The following NCOR2 variants were observed in gnomAD, a reference collection of about 807,000 sequenced individuals.
NCOR2 encodes the protein CTG repeat protein 26.
A neutral mutation model predicts 262.9 loss-of-function variants in NCOR2; 81 were observed. That is an observed-to-expected ratio of 0.31 (90% CI 0.26 to 0.37). NCOR2 has a LOEUF of 0.37. Ranked by LOEUF, NCOR2 falls within the 10% of genes least tolerant of loss-of-function variation. The probability of loss-of-function intolerance (pLI) is 1.00; values close to 1 mark genes in which losing one functional copy is unlikely to be tolerated. For synonymous variants in NCOR2, 1,659 were observed against 1,559.3 expected (o/e 1.06, Z -1.51); for missense variants, 3,385 against 3,621.4 (o/e 0.93, Z 1.68).
At chr12:124,409,073 T>C (rs2042428596) in intron 13 of NCOR2, among the ~76,000 whole-genome samples, 1 of 152,242 alleles carries the variant, frequency 6.6e-6, no homozygotes, top group African/African-American at 2.4e-5. Flanking sequence ...TTACCAGCAC[T>C]CTACGGCAGA....
At chr12:124,461,864 C>T (rs548356512) in intron 5 of NCOR2, among the ~76,000 whole-genome samples, 17 of 152,324 alleles carry the variant, frequency 1.1e-4, no homozygotes, top group African/African-American at 4.1e-4. Context: ...GGTATACCTG[C>T]ACACATACAC....
At chr12:124,494,208 C>T (rs2048251610) in intron 1 of NCOR2, among the ~76,000 whole-genome samples, 1 of 151,316 alleles carries the variant, frequency 6.6e-6, no homozygotes, top group Admixed American at 6.6e-5. Flanking sequence ...ACCACACCAG[C>T]CAGGCAGGAC....
intron 13 of NCOR2, among the ~76,000 whole-genome samples, chr12:124,403,128 G>A (rs1313032369): frequency 2.6e-5 from 4 of 152,104 alleles, no homozygotes; most frequent in South Asian, 2.1e-4. Flanking sequence ...CCCTGCCCCC[G>A]ACAGAGCTCA....
At chr12:124,422,691 CA>C (rs144997959) in intron 11 of NCOR2, 136 bp from the exon 14 acceptor site, 42,181 of 951,616 alleles carry the variant, frequency 0.044, 1,199 homozygotes, top group Non-Finnish European at 0.051. Flanking sequence ...CAATTAAGCC[CA>C]GGGGGGTGTG....
chr12:124,411,273 C>G (rs1033108726), intron 13 of NCOR2, among the ~76,000 whole-genome samples: 11 of 151,196 alleles, frequency 7.3e-5, no homozygotes, highest in African/African-American at 2.2e-4. Flanking sequence ...CATACACACA[C>G]AGAGAGAGAG....
intron 27 of NCOR2, 134 bp downstream of exon 29, chr12:124,353,959 T>C: frequency 2.5e-6 from 2 of 785,888 alleles, no homozygotes; most frequent in Non-Finnish European, 4.1e-6. Flanking sequence ...TGAAAGTTCA[T>C]GGAGTGAACT....
intron 40 of NCOR2, 106 bp from the exon 43 acceptor site, chr12:124,334,723 C>G (rs930814298): frequency 1.6e-6 from 1 of 627,694 alleles, no homozygotes; most frequent in African/African-American, 1.9e-5. Context: ...CTGGGTGGGG[C>G]CAGCTTCCTG....
intron 1 of NCOR2, among the ~76,000 whole-genome samples, chr12:124,553,591 G>C (rs2051784722): frequency 6.6e-6 from 1 of 152,228 alleles, no homozygotes; most frequent in South Asian, 2.1e-4. Flanking sequence ...CAGCAGTGCA[G>C]AGTCCAGCAT....
intron 22 of NCOR2, among the ~76,000 whole-genome samples, chr12:124,359,731 T>TGGGC (rs1185014861): frequency 6.6e-6 from 1 of 152,192 alleles, no homozygotes; most frequent in Non-Finnish European, 1.5e-5. Flanking sequence ...TAGGCCAGGC[T>TGGGC]GGGCGGGCGG....
At chr12:124,353,536 G>A (rs745500753) in intron 27 of NCOR2, among the ~76,000 whole-genome samples, 6 of 152,306 alleles carry the variant, frequency 3.9e-5, no homozygotes, top group Admixed American at 3.9e-4. Context: ...GTGGACCCAC[G>A]CTCTGTCACT....
At chr12:124,450,354 G>A (rs925296321) in intron 6 of NCOR2, among the ~76,000 whole-genome samples, 5 of 152,220 alleles carry the variant, frequency 3.3e-5, no homozygotes, top group African/African-American at 7.2e-5. Context: ...CAGGAAGGCT[G>A]GCACATAGCT....
At chr12:124,377,365 G>A (rs537986934) in intron 18 of NCOR2, among the ~76,000 whole-genome samples, 1 of 152,228 alleles carries the variant, frequency 6.6e-6, no homozygotes, top group South Asian at 2.1e-4. Context: ...CCTGAGCCTC[G>A]GTTTCCCCAT....
exon 33 of NCOR2, chr12:124,343,162 G>T (rs781239214): frequency 2.7e-5 from 43 of 1,610,882 alleles, no homozygotes; most frequent in Non-Finnish European, 3.4e-5. Context: ...GCGGGGACTT[G>T]GCGATCTCAC....
At position 124,566,755 on chromosome 12, in the gene NCOR2, G is replaced by A. The variant is rs138964613; in HGVS notation, c.-165+553C>T. ...GGGGGACCAGGGGCGACTCTCCCGA[G>A]GGACCCCGCCCAGCGCCCCGTGGCC... On this transcript the variant is annotated intron_variant, in intron 1 of 32. Transcript: ENST00000458234. This position sits in a 1 kb window ranked among gnomAD's most constrained non-coding sequence, Gnocchi z 4.3. Among the ~76,000 whole-genome samples the A allele has an allele frequency of 6.0e-3, 920 of 152,268 alleles. 7 individuals carry two copies. Among genetic ancestry groups the A allele is most frequent in the African/African-American group, 0.021 (871 of 41,554 alleles).
intron 7 of NCOR2, among the ~76,000 whole-genome samples, chr12:124,439,429 A>AGG (rs2136429674): frequency 1.1e-4 from 1 of 8,852 alleles, no homozygotes; most frequent in South Asian, 2.7e-3. Context: ...AGAGAGAGAG[A>AGG]GAGACAGAGA....
At chr12:124,392,861 G>A (rs1028117333) in intron 16 of NCOR2, among the ~76,000 whole-genome samples, 1 of 152,236 alleles carries the variant, frequency 6.6e-6, no homozygotes, top group Non-Finnish European at 1.5e-5. Context: ...AAGTGGCAAG[G>A]CCACTAGACA....
chr12:124,546,393 T>C (rs837482), intron 1 of NCOR2, among the ~76,000 whole-genome samples: 137,284 of 152,226 alleles, frequency 0.9, 62,128 homozygotes, highest in East Asian at 1. Flanking sequence ...AAATAAACAA[T>C]TCGTAAGTTT....
rs1323554807 is a variant in NCOR2, at chr12:124,430,794, G to C, written c.883-7C>G. ...GCTGGCAGAACTTCTGCTCCTGGGA[G>C]AGCGCAGGGGGCACTGCGGAAGATG... On this transcript the variant is annotated splice_region_variant and splice_polypyrimidine_tract_variant and intron_variant, in intron 8 of 46. Transcript: ENST00000405201. The C allele has an allele frequency of 6.2e-7, 1 of 1,600,090 alleles. No homozygotes were observed. The highest frequency in any genetic ancestry group is 1.3e-5 in the African/African-American group (1 of 74,624).
At position 124,346,601 on chromosome 12, in the gene NCOR2, A is replaced by T; in HGVS notation, c.4322T>A (p.Leu1441Gln). 3 of 1,584,038 alleles carry T rather than the reference A, an allele frequency of 1.9e-6. No individual in the cohort carries two copies. In the Admixed American group the frequency reaches 5.1e-5, roughly 27 times the overall value. ...GCCCTCCTTGAGCGGCCGCGGGGCC[A>T]GGGGCAGCTCGGGCGTGTGCCGCAG... The change falls in exon 31 of 47, where the codon CTG becomes CAG. Residue 1441 changes from leucine to glutamine, a missense_variant. Transcript: ENST00000405201.
Sources: allele counts gnomAD v4.1 joint callset (sites outside exome capture counted in the v4.1 genomes callset), GRCh38; gene constraint gnomAD v4.1.1; non-coding constraint Gnocchi (gnomAD v3.1); transcripts MANE v1.5; gene names NCBI Gene and HGNC (gene_info 2026-07-23, HGNC 2026-07-21).